The following NRG3 variants were observed in gnomAD, a reference collection of about 807,000 sequenced individuals.
The protein encoded by NRG3 is pro-neuregulin-3, membrane-bound isoform.
A neutral mutation model predicts 66.9 loss-of-function variants in NRG3; 31 were observed. The ratio of observed to expected loss-of-function variants is 0.46; its 90% CI spans 0.35 to 0.63. The LOEUF (loss-of-function observed/expected upper bound fraction) is 0.63, where lower values mean the gene tolerates loss of function less well. Ranked by LOEUF, NRG3 falls within the 20% of genes least tolerant of loss-of-function variation. The pLI is 0.00. For synonymous variants in NRG3, 393 were observed against 359.4 expected, an observed-to-expected ratio of 1.09 and a Z score of -1.06; for missense variants, 910 against 878.9, an observed-to-expected ratio of 1.04 and a Z score of -0.45.
Position 82,256,200 on chromosome 10 carries a change from G to A in NRG3, c.824-102539G>A, listed in dbSNP as rs187428128. Among the ~76,000 whole-genome samples, 67 of 152,324 alleles carry A rather than the reference G, an allele frequency of 4.4e-4. No homozygotes were observed. In the East Asian group the frequency reaches 0.012, roughly 28 times the overall value. The stretch of plus-strand genomic sequence containing the variant: ...GCCTCCTAAAGTGCTGGGATTACAG[G>A]CGTGAGCCACTGTGCCTGGCTTAAA... On this transcript the variant is annotated intron_variant, in intron 1 of 8. Transcript: ENST00000372141.
At chr10:82,380,124 A>G (rs2085514674) in intron 2 of NRG3, among the ~76,000 whole-genome samples, 1 of 152,070 alleles carries the variant, frequency 6.6e-6, no homozygotes, top group South Asian at 2.1e-4. Context: ...TCTAAAAAAA[A>G]GACATGTTTT....
intron 1 of NRG3, among the ~76,000 whole-genome samples, chr10:82,343,370 A>T (rs77588932): frequency 0.013 from 2,024 of 152,272 alleles, 17 homozygotes; most frequent in Middle Eastern, 0.061. Flanking sequence ...CTCTACAAGC[A>T]AAACTACAAA....
chr10:82,169,929 A>C lies in NRG3; in HGVS notation c.824-188810A>C, dbSNP rs187787383. ...TTTGGTTGATATTTGTTCTACTGTT[A>C]GCCTACTTGTGTGTAAACAAATTAG... On this transcript the variant is annotated intron_variant, in intron 1 of 8. Coordinates refer to ENST00000372141, the MANE Select transcript of NRG3 (RefSeq NM_001010848.4). Among the ~76,000 whole-genome samples, 8 of 148,896 alleles carry C rather than the reference A, an allele frequency of 5.4e-5. No individual in the cohort carries two copies. In the East Asian group the frequency reaches 1.6e-3, roughly 29 times the overall value.
At chr10:82,370,455 T>A (rs1015427894) in intron 2 of NRG3, among the ~76,000 whole-genome samples, 1 of 138,248 alleles carries the variant, frequency 7.2e-6, no homozygotes, top group South Asian at 2.2e-4. Flanking sequence ...GAGCTTGTGG[T>A]TCAGGGTTTA....
intron 2 of NRG3, among the ~76,000 whole-genome samples, chr10:82,598,159 T>A (rs1269375664): frequency 6.6e-6 from 1 of 152,184 alleles, no homozygotes; most frequent in Non-Finnish European, 1.5e-5. Flanking sequence ...TAAAAAAATT[T>A]TACTCAAAAT....
chr10:82,579,396 A>G (rs1451108487), intron 2 of NRG3, among the ~76,000 whole-genome samples: 1 of 152,006 alleles, frequency 6.6e-6, no homozygotes, highest in Non-Finnish European at 1.5e-5. Flanking sequence ...ACTAACAACT[A>G]ATCTTGCTTC....
At chr10:82,290,560 A>T (rs1304915431) in intron 1 of NRG3, among the ~76,000 whole-genome samples, 1 of 152,122 alleles carries the variant, frequency 6.6e-6, no homozygotes, top group Non-Finnish European at 1.5e-5. Context: ...TAATGATTGC[A>T]CAGTTACTTG....
At chr10:82,015,959 A>C (rs2061769275) in intron 1 of NRG3, among the ~76,000 whole-genome samples, 1 of 151,110 alleles carries the variant, frequency 6.6e-6, no homozygotes. Flanking sequence ...CATCATTTTC[A>C]TTGATGTTCC....
At chr10:82,826,073 T>A (rs561379660) in intron 3 of NRG3, among the ~76,000 whole-genome samples, 5 of 152,184 alleles carry the variant, frequency 3.3e-5, no homozygotes, top group Non-Finnish European at 7.3e-5. Context: ...TGTAAGAGAT[T>A]ACTGGAATTG....
At chr10:82,861,245 C>T (rs887829216) in intron 3 of NRG3, among the ~76,000 whole-genome samples, 4 of 151,600 alleles carry the variant, frequency 2.6e-5, no homozygotes, top group African/African-American at 9.7e-5. Flanking sequence ...ATTTGTATGT[C>T]CAGTGGTGTC....
chr10:82,006,669 T>G (rs2133735636), intron 1 of NRG3, among the ~76,000 whole-genome samples: 1 of 152,220 alleles, frequency 6.6e-6, no homozygotes, highest in East Asian at 1.9e-4. Flanking sequence ...GGTTAGCCGG[T>G]TATTTCTGCA....
At chr10:82,532,359 G>T (rs1478954240) in intron 2 of NRG3, among the ~76,000 whole-genome samples, 1 of 151,010 alleles carries the variant, frequency 6.6e-6, no homozygotes, top group East Asian at 1.9e-4. Flanking sequence ...GCATGTTGCA[G>T]ATTTCTTTCT....
intron 4 of NRG3, among the ~76,000 whole-genome samples, chr10:82,915,112 T>C (rs1242075699): frequency 6.6e-6 from 1 of 152,212 alleles, no homozygotes; most frequent in Non-Finnish European, 1.5e-5. Flanking sequence ...CCACACCCAG[T>C]GTCCAACTGT....
At chr10:82,239,939 G>A (rs2076933953) in intron 1 of NRG3, among the ~76,000 whole-genome samples, 1 of 152,098 alleles carries the variant, frequency 6.6e-6, no homozygotes, top group Non-Finnish European at 1.5e-5. Flanking sequence ...AGAAAGAAAA[G>A]TGACTCTTAA....
At chr10:82,365,912 T>G (rs923236642) in intron 2 of NRG3, among the ~76,000 whole-genome samples, 1 of 152,256 alleles carries the variant, frequency 6.6e-6, no homozygotes, top group Admixed American at 6.5e-5. Context: ...AGTGGCTCTA[T>G]CTGAAGCAGG....
chr10:81,969,780 T>C (rs867717018), intron 1 of NRG3, among the ~76,000 whole-genome samples: 2,988 of 151,552 alleles, frequency 0.02, 114 homozygotes, highest in African/African-American at 0.069. Flanking sequence ...TGAGTGTGTG[T>C]GTGTGTGTGT....
intron 4 of NRG3, among the ~76,000 whole-genome samples, chr10:82,930,466 G>A (rs993198113): frequency 2.6e-5 from 4 of 152,132 alleles, no homozygotes; most frequent in African/African-American, 9.7e-5. Flanking sequence ...TGACTTTTGA[G>A]TGCCTTTTCG....
intron 2 of NRG3, among the ~76,000 whole-genome samples, chr10:82,408,087 GAA>G (rs1554911196): frequency 4.2e-3 from 254 of 61,048 alleles, no homozygotes; most frequent in South Asian, 7.5e-3. Flanking sequence ...GAGAGAGACA[GAA>G]AGAAAGAAAG....
chr10:82,903,392 G>A (rs1283604726), intron 4 of NRG3, among the ~76,000 whole-genome samples: 1 of 152,212 alleles, frequency 6.6e-6, no homozygotes, highest in East Asian at 1.9e-4. Context: ...TGTGTTTAGT[G>A]CAGTACCTTA....
Sources: allele counts gnomAD v4.1 joint callset (sites outside exome capture counted in the v4.1 genomes callset), GRCh38; gene constraint gnomAD v4.1.1; transcripts MANE v1.5; gene names NCBI Gene and HGNC (gene_info 2026-07-23, HGNC 2026-07-21).